The following XKR6 variants were observed in gnomAD, a reference collection of about 807,000 sequenced individuals.
XKR6 encodes XK-related protein 6.
Under a neutral mutation model 56.7 loss-of-function variants are expected in XKR6, and 22 were observed. The observed-to-expected ratio is 0.39, with a 90% CI of 0.28 to 0.55. The LOEUF (loss-of-function observed/expected upper bound fraction) is 0.55, where lower values mean the gene tolerates loss of function less well. Ranked by LOEUF, XKR6 falls within the 20% of genes least tolerant of loss-of-function variation. The pLI is 0.66. For missense variants in XKR6, 852 were observed against 889.0 expected (o/e 0.96, Z 0.53); for synonymous variants, 524 against 387.8 (o/e 1.35, Z -4.13).
At chr8:11,030,416 C>T (rs1433133691) in intron 1 of XKR6, among the ~76,000 whole-genome samples, 3 of 152,220 alleles carry the variant, frequency 2.0e-5, no homozygotes, top group Non-Finnish European at 2.9e-5. Context: ...CTCTTGCTCA[C>T]CAACAGGATG....
chr8:11,171,634 G>C (rs1039028834), intron 1 of XKR6, among the ~76,000 whole-genome samples: 10 of 152,190 alleles, frequency 6.6e-5, no homozygotes, highest in African/African-American at 2.4e-4. Context: ...GCACACACAA[G>C]CCCTCTTAGC....
intron 1 of XKR6, among the ~76,000 whole-genome samples, chr8:11,152,675 T>C (rs1015290436): frequency 7.2e-5 from 11 of 152,224 alleles, no homozygotes; most frequent in Admixed American, 7.2e-4. Context: ...TGCTTTTGTA[T>C]AACAAGTGAA....
chr8:11,047,808 C>A (rs2129158500), intron 1 of XKR6, among the ~76,000 whole-genome samples: 1 of 152,274 alleles, frequency 6.6e-6, no homozygotes, highest in South Asian at 2.1e-4. Context: ...AAAAAATTGG[C>A]CTTAACAACA....
intron 1 of XKR6, among the ~76,000 whole-genome samples, chr8:11,128,414 G>A (rs942729597): frequency 8.5e-5 from 13 of 152,096 alleles, no homozygotes; most frequent in Admixed American, 7.9e-4. Context: ...CTGAACTCCC[G>A]TCTCCTTCAT....
At chr8:11,178,294 A>G (rs1450701729) in intron 1 of XKR6, among the ~76,000 whole-genome samples, 1 of 152,120 alleles carries the variant, frequency 6.6e-6, no homozygotes, top group African/African-American at 2.4e-5. Context: ...TCAAGGATCA[A>G]TAATAGTAAG....
intron 2 of XKR6, among the ~76,000 whole-genome samples, chr8:10,912,223 A>G (rs1218540387): frequency 6.8e-6 from 1 of 146,414 alleles, no homozygotes. Flanking sequence ...ATATATACAG[A>G]GAGAGAGAGG....
intron 1 of XKR6, among the ~76,000 whole-genome samples, chr8:10,991,986 TATAC>T (rs1798003627): frequency 6.6e-6 from 1 of 152,186 alleles, no homozygotes; most frequent in African/African-American, 2.4e-5. Context: ...TTCCTGTCTA[TATAC>T]AGGTGGCCAA....
chr8:11,198,167 C>T (rs996919060), intron 1 of XKR6, among the ~76,000 whole-genome samples: 1 of 152,042 alleles, frequency 6.6e-6, no homozygotes, highest in African/African-American at 2.4e-5. Context: ...AATTGTTTGC[C>T]GAAAGATTAA....
chr8:10,978,276 G>A (rs1802626957), intron 1 of XKR6, among the ~76,000 whole-genome samples: 1 of 152,192 alleles, frequency 6.6e-6, no homozygotes, highest in Admixed American at 6.5e-5. Context: ...ACTACACCAT[G>A]CAATTTATTG....
intron 1 of XKR6, among the ~76,000 whole-genome samples, chr8:11,039,566 A>T (rs1262460985): frequency 6.6e-6 from 1 of 152,218 alleles, no homozygotes; most frequent in Non-Finnish European, 1.5e-5. Flanking sequence ...AGAACTTGGA[A>T]CAGAGACAAC....
chr8:10,973,291 T>A (rs1802460828), intron 1 of XKR6, among the ~76,000 whole-genome samples: 1 of 152,224 alleles, frequency 6.6e-6, no homozygotes, highest in African/African-American at 2.4e-5. Flanking sequence ...CACTGGCCAT[T>A]CCTCCAAGGT....
intron 1 of XKR6, among the ~76,000 whole-genome samples, chr8:10,978,790 G>T (rs1016695320): frequency 6.6e-6 from 1 of 151,974 alleles, no homozygotes. Context: ...TCCTCCCCCC[G>T]TGCTGACGCA....
At chr8:11,054,847 C>T (rs376667246) in intron 1 of XKR6, among the ~76,000 whole-genome samples, 1 of 152,154 alleles carries the variant, frequency 6.6e-6, no homozygotes, top group Non-Finnish European at 1.5e-5. Context: ...GGCCAGCCCA[C>T]CTCATACAGG....
intron 2 of XKR6, among the ~76,000 whole-genome samples, chr8:10,912,401 T>C (rs1238375557): frequency 7.4e-6 from 1 of 135,542 alleles, no homozygotes; most frequent in Non-Finnish European, 1.6e-5. Flanking sequence ...TACATATATA[T>C]ATATAAAGAG....
intron 1 of XKR6, among the ~76,000 whole-genome samples, chr8:11,067,360 G>GC (rs940827637): frequency 9.9e-5 from 15 of 152,182 alleles, no homozygotes; most frequent in African/African-American, 3.4e-4. Context: ...CCTGGGCAGA[G>GC]CCCCCCACCC....
chr8:11,001,282 T>C (rs1563338315), intron 1 of XKR6, among the ~76,000 whole-genome samples: 3 of 145,876 alleles, frequency 2.1e-5, no homozygotes, highest in Non-Finnish European at 4.4e-5. Flanking sequence ...AGTGAATAAA[T>C]GGCCTCTTCA....
intron 1 of XKR6, among the ~76,000 whole-genome samples, chr8:11,142,460 T>A (rs2116940225): frequency 6.6e-6 from 1 of 152,272 alleles, no homozygotes; most frequent in Middle Eastern, 3.4e-3. Flanking sequence ...ATAACCAGTG[T>A]TGGAGGTGCG....
intron 1 of XKR6, chr8:11,105,265 T>G (rs1226789437): frequency 2.0e-5 from 3 of 152,238 alleles, no homozygotes; most frequent in Admixed American, 2.0e-4. Flanking sequence ...GGTTACAAAC[T>G]TTTTTATTTT....
At position 10,924,849 on chromosome 8, in the gene XKR6, A is replaced by G. The variant is rs1461305242; in HGVS notation, c.765-19T>C. 1 of 1,605,116 alleles carries G rather than the reference A, an allele frequency of 6.2e-7. No homozygotes were observed. The highest frequency in any genetic ancestry group is 1.3e-5 in the African/African-American group (1 of 74,870). On this transcript the variant is annotated intron_variant, in intron 1 of 2. Coordinates refer to ENST00000416569, the MANE Select transcript of XKR6 (RefSeq NM_173683.4). Reference sequence around the variant, plus strand: ...GATATACCTGCCCAGAGAGATGGGGAGAACACAGAGAGCATGGGTGGGTGC... The same window carrying G: ...GATATACCTGCCCAGAGAGATGGGGGGAACACAGAGAGCATGGGTGGGTGC...
Sources: gnomAD v4.1 joint callset for allele counts (sites outside exome capture counted in the v4.1 genomes callset) on GRCh38, gnomAD v4.1.1 for gene constraint, MANE v1.5 for transcripts, NCBI Gene and HGNC (gene_info 2026-07-23, HGNC 2026-07-21) for gene names.